CFTR: variants seen among roughly 807,000 people sequenced by gnomAD.
CFTR encodes the protein cystic fibrosis transmembrane conductance regulator.
A neutral mutation model predicts 171.6 loss-of-function variants in CFTR; 181 were observed. The ratio of observed to expected loss-of-function variants is 1.05; its 90% confidence interval spans 0.93 to 1.19. The LOEUF (loss-of-function observed/expected upper bound fraction) is 1.19. Among genes scored for constraint, CFTR ranks in the 50% most tolerant of loss-of-function variants. CFTR has a pLI of 0.00. For synonymous variants in CFTR, 583 were observed against 608.0 expected, an observed-to-expected ratio of 0.96 and a Z score of 0.60; for missense variants, 1,968 against 1,734.7, an observed-to-expected ratio of 1.13 and a Z score of -2.39.
chr7:117,651,220 A>G (rs1317281570), intron 23 of CFTR, among the ~76,000 whole-genome samples: 4 of 152,198 alleles, frequency 2.6e-5, no homozygotes, highest in Admixed American at 2.6e-4. Flanking sequence ...TACTTGGTTA[A>G]CCCTTACAAT....
At chr7:117,554,857 G>A (rs1020198854) in intron 10 of CFTR, among the ~76,000 whole-genome samples, 5 of 152,112 alleles carry the variant, frequency 3.3e-5, no homozygotes, top group Non-Finnish European at 5.9e-5. Context: ...GTGACTTAAT[G>A]AAAGCAATAG....
chr7:117,518,779 C>G (rs1401907745), intron 3 of CFTR, among the ~76,000 whole-genome samples: 1 of 151,828 alleles, frequency 6.6e-6, no homozygotes, highest in Admixed American at 6.6e-5. Flanking sequence ...CACAAATACT[C>G]ATTATTTACA....
At chr7:117,546,713 T>G (rs1005761696) in intron 9 of CFTR, among the ~76,000 whole-genome samples, 6 of 152,236 alleles carry the variant, frequency 3.9e-5, no homozygotes, top group Non-Finnish European at 7.3e-5. Flanking sequence ...TACTCACAAC[T>G]TTTAGGTTAA....
chr7:117,664,960 G>C, intron 25 of CFTR, 100 bp downstream of exon 25: 1 of 1,261,680 alleles, frequency 7.9e-7, no homozygotes, highest in Non-Finnish European at 1.2e-6. Context: ...TCATGTCTGC[G>C]TGTGGGGGTC....
chr7:117,486,542 G>A (rs924098675), intron 1 of CFTR, among the ~76,000 whole-genome samples: 1 of 152,098 alleles, frequency 6.6e-6, no homozygotes, highest in African/African-American at 2.4e-5. Flanking sequence ...ATTATCCAAA[G>A]AGGGTAGGGA....
At chr7:117,643,622 G>T (rs1792952777) in intron 23 of CFTR, among the ~76,000 whole-genome samples, 1 of 152,124 alleles carries the variant, frequency 6.6e-6, no homozygotes, top group East Asian at 1.9e-4. Flanking sequence ...AAACAGTATT[G>T]TTTCTTCAGA....
chr7:117,607,627 C>T (rs1057122562), intron 18 of CFTR, among the ~76,000 whole-genome samples: 9 of 150,816 alleles, frequency 6.0e-5, no homozygotes, highest in Non-Finnish European at 7.4e-5. Flanking sequence ...AGTCATTGTC[C>T]GCTCTTGCTC....
Position 117,491,787 on chromosome 7 carries a change from T to A in CFTR, c.53+11640T>A, listed in dbSNP as rs182996617. Among the ~76,000 whole-genome samples, 5 of 152,210 alleles carry A rather than the reference T, an allele frequency of 3.3e-5. No individual in the cohort carries two copies. The South Asian group carries it at 6.2e-4, about 19-fold the overall frequency. On this transcript the variant is annotated intron_variant, in intron 1 of 26. Transcript: ENST00000003084. ...GATCCTATCTCTAAATAAGGTCACA[T>A]CCTTAGGTACCGGGGGTTAGGACTC...
chr7:117,614,936 C>G (rs1792462656), intron 21 of CFTR, among the ~76,000 whole-genome samples: 1 of 152,074 alleles, frequency 6.6e-6, no homozygotes, highest in South Asian at 2.1e-4. Context: ...AGCATTCTTT[C>G]ACCTGTTTCC....
chr7:117,646,417 G>C (rs1184315866), intron 23 of CFTR, among the ~76,000 whole-genome samples: 1 of 152,114 alleles, frequency 6.6e-6, no homozygotes, highest in African/African-American at 2.4e-5. Flanking sequence ...AAATGTGGGG[G>C]CATGAGGATG....
At chr7:117,488,903 G>A (rs529484582) in intron 1 of CFTR, among the ~76,000 whole-genome samples, 46 of 152,158 alleles carry the variant, frequency 3.0e-4, no homozygotes, top group Admixed American at 9.2e-4. Flanking sequence ...CCAGGAATAA[G>A]TTGTAATATG....
intron 20 of CFTR, among the ~76,000 whole-genome samples, 198 bp downstream of exon 20, chr7:117,612,006 G>GATATATATATATATATATGTATATAT (rs375943671): frequency 1.3e-5 from 1 of 76,796 alleles, no homozygotes; most frequent in Non-Finnish European, 2.6e-5. Context: ...CTTGAAATCG[G>GATATATATATATATATATGTATATAT]ATATATATAT....
At chr7:117,491,106 T>C (rs1370680504) in intron 1 of CFTR, among the ~76,000 whole-genome samples, 2 of 152,094 alleles carry the variant, frequency 1.3e-5, no homozygotes, top group African/African-American at 4.8e-5. Context: ...ACATAGTCTT[T>C]TGCTTCTAGG....
intron 18 of CFTR, 125 bp from the exon 19 acceptor site, chr7:117,610,394 A>G: frequency 1.3e-6 from 1 of 795,660 alleles, no homozygotes; most frequent in Admixed American, 2.6e-5. Context: ...AATAAAAAAA[A>G]TAAAAAAAAG....
At chr7:117,519,464 G>A (rs1798651500) in intron 3 of CFTR, among the ~76,000 whole-genome samples, 1 of 151,764 alleles carries the variant, frequency 6.6e-6, no homozygotes, top group Admixed American at 6.6e-5. Flanking sequence ...TCCTATGATG[G>A]GTTCTGAGTG....
intron 11 of CFTR, among the ~76,000 whole-genome samples, chr7:117,580,158 G>A (rs954330699): frequency 2.6e-5 from 4 of 151,788 alleles, no homozygotes; most frequent in Admixed American, 6.6e-5. Context: ...AAAAGAAAAA[G>A]AGAAAAGAAA....
rs1554389245 is a variant in CFTR, at chr7:117,591,948, T to C, written c.1781T>C (p.Leu594Pro). The change falls in exon 14 of 27, where the codon CTG (leucine) becomes CCG (proline). Residue 594 changes from leucine (L) to proline (P), a missense_variant. Transcript: ENST00000003084. ...ATATCTTAAAGCTGTGTCTGTAAAC[T>C]GATGGCTAACAAAACTAGGATTTTG... is the stretch of plus-strand genomic sequence containing the variant. The part of the protein sequence containing the change: ...KEIFESCVCK[L>P]MANKTRILVT... 1 of 1,584,504 alleles carries C rather than the reference T, an allele frequency of 6.3e-7. No individual in the cohort carries two copies. The highest frequency in any genetic ancestry group is 1.2e-5 in the South Asian group (1 of 85,680).
chr7:117,624,480 G>A (rs981967831), intron 21 of CFTR, among the ~76,000 whole-genome samples: 2 of 152,148 alleles, frequency 1.3e-5, no homozygotes, highest in Admixed American at 6.5e-5. Flanking sequence ...AAGCAACCAT[G>A]TTCACTCTAC....
At chr7:117,603,902 C>T in intron 17 of CFTR, 120 bp downstream of exon 17, 3 of 990,378 alleles carry the variant, frequency 3.0e-6, no homozygotes, top group Non-Finnish European at 4.8e-6. Flanking sequence ...TTTGTTGAAC[C>T]TCCATTTGAC....
Sources: gnomAD v4.1 joint callset for allele counts (sites outside exome capture counted in the v4.1 genomes callset) on GRCh38, gnomAD v4.1.1 for gene constraint, MANE v1.5 for transcripts, NCBI Gene and HGNC (gene_info 2026-07-23, HGNC 2026-07-21) for gene names.